The following RSPH10B variants were observed in gnomAD, a reference collection of about 807,000 sequenced individuals.
RSPH10B encodes the protein radial spoke head 10 homolog B (Chlamydomonas).
Under a neutral mutation model 52.5 loss-of-function variants are expected in RSPH10B, and 7 were observed. The ratio of observed to expected loss-of-function variants is 0.13; its 90% CI spans 0.08 to 0.25. The LOEUF (loss-of-function observed/expected upper bound fraction) is 0.25, where lower values mean the gene tolerates loss of function less well. RSPH10B is among the 10% of genes least tolerant of loss of function. The pLI is 1.00. For synonymous variants in RSPH10B, 28 were observed against 193.2 expected, an observed-to-expected ratio of 0.14 and a Z score of 7.09; for missense variants, 89 against 542.5, an observed-to-expected ratio of 0.16 and a Z score of 8.30.
Position 5,966,337 on chromosome 7 carries a change from C to T in RSPH10B, c.254+526G>A, listed in dbSNP as rs1346024511. Among the ~76,000 whole-genome samples, 3 of 108,516 alleles carry T rather than the reference C, an allele frequency of 2.8e-5. No individual in the cohort carries two copies. The East Asian group carries it at 6.9e-4, about 25-fold the overall frequency. 71.2% of individuals were successfully genotyped at this position (108,516 alleles called of 152,430 possible). ...ATAGTACATTTTGTTATATGTTTCA[C>T]CACAATAAACTCTATATATACACAC... On this transcript the variant is annotated intron_variant, in intron 1 of 18. Coordinates refer to ENST00000337579, the Ensembl canonical transcript of RSPH10B.
intron 11 of RSPH10B, among the ~76,000 whole-genome samples, chr7:5,944,312 C>T (rs1332363767): frequency 7.7e-4 from 116 of 150,874 alleles, no homozygotes; most frequent in African/African-American, 2.7e-3. Flanking sequence ...GCAGGAGAAT[C>T]ACTGGAACCT....
intron 13 of RSPH10B, among the ~76,000 whole-genome samples, chr7:5,942,016 C>T (rs1393661881): frequency 2.0e-4 from 30 of 149,686 alleles, no homozygotes; most frequent in African/African-American, 6.9e-4. Context: ...CCTCAGCCTC[C>T]GAAGTGGCTG....
Position 5,943,581 on chromosome 7 carries a change from T to A in RSPH10B, c.1610-109A>T. On this transcript the variant is annotated intron_variant, in intron 12 of 18. Coordinates refer to ENST00000337579, the Ensembl canonical transcript of RSPH10B. ...TTTTTTCCCAGACAGAGTCTTGATG[T>A]CACCCAGGCTAGAGTGCAGTGGCAC... is the stretch of plus-strand genomic sequence containing the variant. 2 of 808,226 alleles carry A rather than the reference T, an allele frequency of 2.5e-6. 1 individual carries two copies. The highest frequency in any genetic ancestry group is 3.9e-6 in the Non-Finnish European group (2 of 512,332). The allele number at this position is 808,226 out of a possible 1,614,324, so 50.1% of individuals were successfully genotyped here.
chr7:5,957,752 C>T (rs1466951532), intron 6 of RSPH10B, among the ~76,000 whole-genome samples, 155 bp downstream of exon 8: 3 of 132,486 alleles, frequency 2.3e-5, no homozygotes, highest in African/African-American at 8.9e-5. Context: ...GCCAAGATTG[C>T]GCCAGTGCAC....
intron 18 of RSPH10B, chr7:5,927,929 G>A (rs2128619747): frequency 1.4e-6 from 1 of 689,896 alleles, no homozygotes; most frequent in Non-Finnish European, 2.3e-6. Flanking sequence ...GTGAGACCCT[G>A]TCTAAAAACA....
At chr7:5,929,324 C>G (rs1361061359) in intron 17 of RSPH10B, among the ~76,000 whole-genome samples, 1 of 133,430 alleles carries the variant, frequency 7.5e-6, no homozygotes, top group Non-Finnish European at 1.6e-5. Context: ...GGACCACAGG[C>G]GGGTGCCACC....
In RSPH10B at chr7:5,938,471, G is replaced by A. The variant is rs576119967; in HGVS notation, c.1866+251C>T. Reference sequence around the variant, plus strand: ...CGGGCGCCTGTAGTCTCAGCTACTCGGGAGGCTGAGGCAGGAGAATGGCGT... The same window carrying A: ...CGGGCGCCTGTAGTCTCAGCTACTCAGGAGGCTGAGGCAGGAGAATGGCGT... On this transcript the variant is annotated intron_variant, in intron 14 of 18. Transcript: ENST00000337579. 1.0e-3 allele frequency among the ~76,000 whole-genome samples: 96 copies of A among 92,144 alleles called. 6 individuals carry two copies. The highest frequency in any genetic ancestry group is 1.6e-3 in the Non-Finnish European group (64 of 39,654). 60.5% of individuals were successfully genotyped at this position (92,144 alleles called of 152,430 possible). A position where few individuals can be genotyped will look rare whatever the true frequency, so the allele number is the denominator to read the frequency against.
At chr7:5,927,061 TG>T in intron 18 of RSPH10B, among the ~76,000 whole-genome samples, 1 of 76,730 alleles carries the variant, frequency 1.3e-5, no homozygotes, top group Admixed American at 1.2e-4. Flanking sequence ...TGTGTGTGTG[TG>T]TGTGTATATG....
chr7:5,965,697 CT>C lies in RSPH10B; in HGVS notation c.269del (p.Lys90ArgfsTer41), dbSNP rs776805603. 14 of 193,756 alleles carry C rather than the reference CT, an allele frequency of 7.2e-5. No individual in the cohort carries two copies. Among genetic ancestry groups the C allele is most frequent in the South Asian group, 2.5e-4 (4 of 16,300 alleles). 12.0% of individuals were successfully genotyped at this position (193,756 alleles called of 1,614,324 possible). ...CTTCTCCCTCATACAGCCCACGAACCTTTTCCCCTTCATAGCTACAAAGAAA... is the reference window on the plus strand; with the variant it reads ...CTTCTCCCTCATACAGCCCACGAACCTTTCCCCTTCATAGCTACAAAGAAA... On this transcript the variant is annotated frameshift_variant, in exon 2 of 19. Coordinates refer to ENST00000337579, the Ensembl canonical transcript of RSPH10B. LOFTEE classifies it high-confidence loss of function.
At position 5,960,392 on chromosome 7, in the gene RSPH10B, G is replaced by A. The variant is rs1237690103; in HGVS notation, c.573+299C>T. Among the ~76,000 whole-genome samples the A allele has an allele frequency of 2.4e-4, 14 of 58,992 alleles. 1 individual carries two copies. Among genetic ancestry groups the A allele is most frequent in the South Asian group, 4.5e-4 (1 of 2,212 alleles). The allele number at this position is 58,992 out of a possible 152,430, so 38.7% of individuals were successfully genotyped here. ...GGCACCATTGCACTCCCGCCTGGGC[G>A]ACAGAGCAAGACTCCATCTCAAAAA... On this transcript the variant is annotated intron_variant, in intron 4 of 18. Coordinates refer to ENST00000337579, the Ensembl canonical transcript of RSPH10B.
At position 5,960,044 on chromosome 7, in the gene RSPH10B, A is replaced by AACACACAC. The variant is rs748706641; in HGVS notation, c.573+639_573+646dup. On this transcript the variant is annotated intron_variant, in intron 4 of 18. Transcript: ENST00000337579. Reference sequence around the variant, plus strand: ...ATATGTCTCAAGCAATCTGCTGTAAAACACACACACACACACACACACACA... The same window carrying AACACACAC: ...ATATGTCTCAAGCAATCTGCTGTAAAACACACACACACACACACACACACACACACACA... Among the ~76,000 whole-genome samples the AACACACAC allele has an allele frequency of 1.1e-4, 3 of 28,518 alleles. 1 individual carries two copies. Among genetic ancestry groups the AACACACAC allele is most frequent in the Non-Finnish European group, 1.9e-4 (3 of 16,148 alleles). The allele number at this position is 28,518 out of a possible 152,430, so 18.7% of individuals were successfully genotyped here. A position where few individuals can be genotyped will look rare whatever the true frequency, so the allele number is the denominator to read the frequency against.
chr7:5,931,844 C>G, intron 17 of RSPH10B, among the ~76,000 whole-genome samples: 1 of 151,032 alleles, frequency 6.6e-6, no homozygotes, highest in Non-Finnish European at 1.5e-5. Flanking sequence ...ACTAAAAATA[C>G]AAGGTGCAGT....
chr7:5,927,671 C>T (rs1040898704), intron 18 of RSPH10B, among the ~76,000 whole-genome samples: 2 of 146,908 alleles, frequency 1.4e-5, no homozygotes, highest in African/African-American at 2.6e-5. Flanking sequence ...TGCAGTGACT[C>T]ACCCCTGTGA....
chr7:5,930,418 T>TA (rs1316696786), intron 17 of RSPH10B, among the ~76,000 whole-genome samples: 1 of 3,012 alleles, frequency 3.3e-4, no homozygotes, highest in African/African-American at 2.0e-3. Flanking sequence ...CTATTTCTGT[T>TA]ACAGGAACTG....
chr7:5,957,654 G>A (rs1265824481), intron 6 of RSPH10B, among the ~76,000 whole-genome samples: 1 of 54,500 alleles, frequency 1.8e-5, no homozygotes, highest in Admixed American at 2.0e-4. Context: ...TAGCCCGGCC[G>A]TGGTGGTGGT....
At chr7:5,943,301 C>T in intron 13 of RSPH10B, 23 bp downstream of exon 15, 1 of 1,522,006 alleles carries the variant, frequency 6.6e-7, no homozygotes, top group Non-Finnish European at 8.8e-7. Flanking sequence ...AATAGAAAGC[C>T]AATATCGAAC....
chr7:5,947,723 AC>A (rs1338049049), intron 10 of RSPH10B, among the ~76,000 whole-genome samples: 1 of 79,558 alleles, frequency 1.3e-5, no homozygotes, highest in Non-Finnish European at 2.6e-5. Context: ...CTCAAAAAAA[AC>A]AAAACAAAAC....
chr7:5,948,115 G>A (rs1485199309), intron 10 of RSPH10B, 105 bp downstream of exon 12: 22 of 10,114 alleles, frequency 2.2e-3, no homozygotes, highest in African/African-American at 9.4e-3. Flanking sequence ...CTCGTGATCC[G>A]CCTGCCTCGG....
chr7:5,942,890 T>G (rs1780269815), intron 13 of RSPH10B, among the ~76,000 whole-genome samples: 1 of 135,238 alleles, frequency 7.4e-6, no homozygotes, highest in Non-Finnish European at 1.6e-5. Flanking sequence ...AATATATATA[T>G]ATTTATTATA....
Sources: allele counts gnomAD v4.1 joint callset (sites outside exome capture counted in the v4.1 genomes callset), GRCh38; gene constraint gnomAD v4.1.1; transcripts MANE v1.5; gene names NCBI Gene and HGNC (gene_info 2026-07-23, HGNC 2026-07-21).